Variants in KIAA1328 observed in about 807,000 individuals in gnomAD.
KIAA1328 encodes the protein protein hinderin.
KIAA1328 carries 52 observed loss-of-function variants against 68.1 expected under a neutral mutation model. That is an observed-to-expected ratio of 0.76 (90% CI 0.61 to 0.96). The LOEUF is 0.96. Among genes scored for constraint, KIAA1328 ranks in the 40% least tolerant of loss-of-function variants. The pLI, the probability that KIAA1328 is intolerant of heterozygous loss-of-function variation, is 0.00. For synonymous variants in KIAA1328, 232 were observed against 239.4 expected (o/e 0.97, Z 0.28); for missense variants, 641 against 677.6 (o/e 0.95, Z 0.60).
intron 7 of KIAA1328, among the ~76,000 whole-genome samples, chr18:37,148,707 T>G (rs1266230479): frequency 6.6e-6 from 1 of 152,246 alleles, no homozygotes; most frequent in African/African-American, 2.4e-5. Flanking sequence ...GATTTGCATT[T>G]ATCTAATGAT....
chr18:36,907,958 A>G (rs771241506), intron 5 of KIAA1328, among the ~76,000 whole-genome samples: 3 of 152,164 alleles, frequency 2.0e-5, no homozygotes, highest in Non-Finnish European at 4.4e-5. Context: ...GATTTAATCC[A>G]TATGGAACCA....
intron 7 of KIAA1328, among the ~76,000 whole-genome samples, chr18:37,147,212 AG>A: frequency 6.6e-6 from 1 of 152,228 alleles, no homozygotes; most frequent in South Asian, 2.1e-4. Context: ...AATGAGTCTC[AG>A]GCATTCCTTT....
intron 9 of KIAA1328, among the ~76,000 whole-genome samples, chr18:37,192,195 C>A (rs749457131): frequency 4.5e-4 from 65 of 143,502 alleles, no homozygotes; most frequent in Non-Finnish European, 9.2e-4. Flanking sequence ...ATGTGTGTTG[C>A]GTGTGTGGAG....
At chr18:37,097,997 T>C (rs2151855922) in intron 7 of KIAA1328, among the ~76,000 whole-genome samples, 1 of 152,300 alleles carries the variant, frequency 6.6e-6, no homozygotes, top group East Asian at 1.9e-4. Flanking sequence ...GTTTTCTAGA[T>C]GTACAATCAT....
intron 7 of KIAA1328, among the ~76,000 whole-genome samples, chr18:37,124,517 T>C (rs966766954): frequency 6.6e-6 from 1 of 152,144 alleles, no homozygotes; most frequent in Non-Finnish European, 1.5e-5. Context: ...ATCCATCCTA[T>C]ACAAAGCAGT....
intron 5 of KIAA1328, among the ~76,000 whole-genome samples, chr18:36,930,411 C>T (rs755804249): frequency 1.3e-5 from 2 of 152,050 alleles, no homozygotes; most frequent in African/African-American, 4.8e-5. Flanking sequence ...TCATTGTTAC[C>T]GTGGAAGCAA....
chr18:37,035,995 T>A (rs2055011874), intron 6 of KIAA1328, among the ~76,000 whole-genome samples: 1 of 152,202 alleles, frequency 6.6e-6, no homozygotes, highest in African/African-American at 2.4e-5. Flanking sequence ...TTGCCTCAAA[T>A]CAAAGTATGC....
At chr18:37,133,201 G>C (rs182784702) in intron 7 of KIAA1328, among the ~76,000 whole-genome samples, 1 of 151,864 alleles carries the variant, frequency 6.6e-6, no homozygotes, top group Non-Finnish European at 1.5e-5. Context: ...GTGTGATGGC[G>C]CATGCCTGTA....
chr18:37,229,576 TC>T, downstream of KIAA1328: 1 of 1,277,142 alleles, frequency 7.8e-7, no homozygotes, highest in South Asian at 1.3e-5. Flanking sequence ...TAGTCAATCT[TC>T]AAGAAGTATC....
At chr18:37,191,951 G>C (rs1037381275) in intron 9 of KIAA1328, among the ~76,000 whole-genome samples, 3 of 152,184 alleles carry the variant, frequency 2.0e-5, no homozygotes, top group African/African-American at 7.2e-5. Context: ...ATAATCTGCT[G>C]TGTTAAACTG....
At chr18:37,140,001 G>A (rs1457397341) in intron 7 of KIAA1328, among the ~76,000 whole-genome samples, 1 of 152,084 alleles carries the variant, frequency 6.6e-6, no homozygotes, top group East Asian at 1.9e-4. Context: ...GAGGGTAGGA[G>A]GTAAAACTCT....
chr18:36,884,851 T>G (rs2048444648), intron 4 of KIAA1328, among the ~76,000 whole-genome samples: 1 of 152,208 alleles, frequency 6.6e-6, no homozygotes, highest in African/African-American at 2.4e-5. Context: ...TGTTTGTTTG[T>G]TTTTAAATTT....
At chr18:36,912,886 G>T (rs952432548) in intron 5 of KIAA1328, among the ~76,000 whole-genome samples, 1 of 152,186 alleles carries the variant, frequency 6.6e-6, no homozygotes, top group Non-Finnish European at 1.5e-5. Context: ...GTGGGGCAAC[G>T]ATGGGATAGC....
intron 4 of KIAA1328, among the ~76,000 whole-genome samples, chr18:36,846,836 T>A (rs972865883): frequency 6.6e-6 from 1 of 151,504 alleles, no homozygotes; most frequent in African/African-American, 2.4e-5. Flanking sequence ...TTCAATGGCA[T>A]TAAGTACATT....
Position 37,066,836 on chromosome 18 carries a change from A to C in KIAA1328, c.577-54A>C, listed in dbSNP as rs538169570. ...ACTGATTTCTGAAAAACCAAACGAAAGAACTTGTTTTGTTGTGTTCTTATT... is the reference window on the plus strand; with the variant it reads ...ACTGATTTCTGAAAAACCAAACGAACGAACTTGTTTTGTTGTGTTCTTATT... On this transcript the variant is annotated intron_variant, in intron 6 of 9. Transcript: ENST00000280020. The C allele has an allele frequency of 4.1e-4, 593 of 1,446,756 alleles. 5 individuals carry two copies. In the South Asian group the frequency reaches 6.3e-3, roughly 15 times the overall value. The allele number at this position is 1,446,756 out of a possible 1,614,324, so 89.6% of individuals were successfully genotyped here.
At chr18:36,909,349 T>C (rs538539553) in intron 5 of KIAA1328, among the ~76,000 whole-genome samples, 1 of 151,242 alleles carries the variant, frequency 6.6e-6, no homozygotes, top group East Asian at 2.0e-4. Flanking sequence ...GTTCTCATTG[T>C]TCAATTCCCA....
chr18:36,903,842 A>T (rs549322602), intron 5 of KIAA1328, among the ~76,000 whole-genome samples: 1 of 152,240 alleles, frequency 6.6e-6, no homozygotes, highest in South Asian at 2.1e-4. Flanking sequence ...CCCATCTTCT[A>T]GTTCCTTGCT....
At chr18:36,882,163 G>A (rs117522963) in intron 4 of KIAA1328, among the ~76,000 whole-genome samples, 2,878 of 152,176 alleles carry the variant, frequency 0.019, 55 homozygotes, top group Non-Finnish European at 0.024. Flanking sequence ...TCTGCTACTT[G>A]CCATTTAATG....
chr18:36,843,437 C>G (rs1224474761), intron 3 of KIAA1328, among the ~76,000 whole-genome samples: 1 of 152,138 alleles, frequency 6.6e-6, no homozygotes. Context: ...TACATGTTAC[C>G]TACGATTCCT....
Sources: allele counts gnomAD v4.1 joint callset (sites outside exome capture counted in the v4.1 genomes callset), GRCh38; gene constraint gnomAD v4.1.1; transcripts MANE v1.5; gene names NCBI Gene and HGNC (gene_info 2026-07-23, HGNC 2026-07-21).